Variants in NPAP1 observed in about 807,000 individuals in gnomAD.
NPAP1 encodes nuclear pore-associated protein 1.
For missense variants in NPAP1, 1,483 were observed against 1,454.5 expected, an observed-to-expected ratio of 1.02 and a Z score of -0.32; for synonymous variants, 616 against 581.4, an observed-to-expected ratio of 1.06 and a Z score of -0.86.
At position 24,678,231 on chromosome 15, in the gene NPAP1, T is replaced by C. The variant is rs1161354313; in HGVS notation, c.2364T>C (p.Ser788=). Residue 788 remains serine, a synonymous_variant, in exon 1 of 1, where the codon AGT becomes AGC. Transcript: ENST00000329468. The part of the protein sequence containing the change: ...DGPQQKTSLP[S]AHDFLSLPIM... ...CGCAGCAGAAAACCTCTCTCCCCAG[T>C]GCCCATGATTTCCTGAGCCTTCCTA... The C allele has an allele frequency of 5.0e-6, 8 of 1,613,300 alleles. No individual in the cohort carries two copies. The highest frequency in any genetic ancestry group is 6.8e-6 in the Non-Finnish European group (8 of 1,179,754).
Position 24,678,817 on chromosome 15 carries a change from A to G in NPAP1, c.2950A>G (p.Ile984Val), listed in dbSNP as rs2141313524. 6.2e-7 allele frequency: 1 copy of G among 1,614,230 alleles called. No individual in the cohort carries two copies. Among genetic ancestry groups the G allele is most frequent in the South Asian group, 1.1e-5 (1 of 91,086 alleles). ...CACAGCAAAGACTTCTGGATTTAGA[A>G]TTGCCACTGGGATGCCTGGCACTGG... ...NGTAKTSGFR[I>V]ATGMPGTGDS... Residue 984 changes from isoleucine (I) to valine (V), a missense_variant, in exon 1 of 1, where the codon ATT (isoleucine) becomes GTT (valine). By Grantham distance (29) the Ile-to-Val change is conservative. Coordinates refer to ENST00000329468, the MANE Select transcript of NPAP1 (RefSeq NM_018958.3).
chr15:24,681,271 A>G lies in NPAP1; in HGVS notation c.*1933A>G, dbSNP rs1389872851. 6.0e-6 allele frequency: 1 copy of G among 167,088 alleles called. No individual in the cohort carries two copies. Among genetic ancestry groups the G allele is most frequent in the African/African-American group, 2.4e-5 (1 of 41,454 alleles). 10.4% of individuals were successfully genotyped at this position (167,088 alleles called of 1,614,324 possible). On this transcript the variant is annotated 3_prime_UTR_variant, in exon 1 of 1. Transcript: ENST00000329468. The stretch of plus-strand genomic sequence containing the variant: ...ACTTTTACTATGGCCTGTTTATCTC[A>G]TAAGATTTTTGAAAGGATAAAATGA...
rs2141312999 is a variant in NPAP1 at position 24,678,607 on chromosome 15, T to G, written c.2740T>G (p.Phe914Val). 2 of 1,614,024 alleles carry G rather than the reference T, an allele frequency of 1.2e-6. No homozygotes were observed. The highest frequency in any genetic ancestry group is 1.7e-6 in the Non-Finnish European group (2 of 1,180,024). ...TDGQQKSDSSFILGNPATPAP... is the reference protein window; with the variant it reads ...TDGQQKSDSSVILGNPATPAP... ...TGGGCAGCAGAAGTCTGACAGTTCT[T>G]TTATTCTGGGGAATCCAGCAACCCC... is the stretch of plus-strand genomic sequence containing the variant. Residue 914 changes from phenylalanine to valine, a missense_variant, in exon 1 of 1, where the codon TTT (phenylalanine) becomes GTT (valine). Transcript: ENST00000329468.
chr15:24,682,327 C>T lies in NPAP1; in HGVS notation c.*2989C>T, dbSNP rs1171665512. On this transcript the variant is annotated 3_prime_UTR_variant, in exon 1 of 1. Coordinates refer to ENST00000329468, the MANE Select transcript of NPAP1 (RefSeq NM_018958.3). Reference sequence around the variant, plus strand: ...CAGTTTTCTTCTAATAGCCCTATACCCTTGCAGTATTACCAGGGACAAATT... The same window carrying T: ...CAGTTTTCTTCTAATAGCCCTATACTCTTGCAGTATTACCAGGGACAAATT... 1 of 166,936 alleles carries T rather than the reference C, an allele frequency of 6.0e-6. No homozygotes were observed. The highest frequency in any genetic ancestry group is 1.5e-5 in the Non-Finnish European group (1 of 68,108). 10.3% of individuals were successfully genotyped at this position (166,936 alleles called of 1,614,324 possible).
Position 24,677,607 on chromosome 15 carries a change from T to C in NPAP1, c.1740T>C (p.Thr580=). The change falls in exon 1 of 1, where the codon ACT becomes ACC. Residue 580 remains threonine, a synonymous_variant. Coordinates refer to ENST00000329468, the MANE Select transcript of NPAP1 (RefSeq NM_018958.3). Reference sequence around the variant, plus strand: ...ACCCTGAAGTAGTTAATATGGATACTACTGCCCCATCTCAGGTTGTTATTT... The same window carrying C: ...ACCCTGAAGTAGTTAATATGGATACCACTGCCCCATCTCAGGTTGTTATTT... ...AVDPEVVNMD[T]TAPSQVVIFT... 1 of 1,614,194 alleles carries C rather than the reference T, an allele frequency of 6.2e-7. No individual in the cohort carries two copies. Among genetic ancestry groups the C allele is most frequent in the Non-Finnish European group, 8.5e-7 (1 of 1,180,034 alleles).
rs2048978281 is a variant in NPAP1 at position 24,676,676 on chromosome 15, C to T, written c.809C>T (p.Ser270Phe). 6.2e-7 allele frequency: 1 copy of T among 1,614,054 alleles called. No homozygotes were observed. Among genetic ancestry groups the T allele is most frequent in the South Asian group, 1.1e-5 (1 of 91,086 alleles). The change falls in exon 1 of 1, where the codon TCC (serine) becomes TTC (phenylalanine). Residue 270 changes from serine to phenylalanine, a missense_variant. Physicochemically the swap from Ser to Phe is radical, Grantham distance 155. Coordinates refer to ENST00000329468, the MANE Select transcript of NPAP1 (RefSeq NM_018958.3). The stretch of plus-strand genomic sequence containing the variant: ...CCCCCTGAGCCAGCCGTTGGCTGCT[C>T]CCTGCTGCAGCAGAAGTTGGCTGCG... ...TAPPEPAVGC[S>F]LLQQKLAAEV...
Position 24,679,438 on chromosome 15 carries a change from A to C in NPAP1, c.*100A>C. On this transcript the variant is annotated 3_prime_UTR_variant, in exon 1 of 1. Coordinates refer to ENST00000329468, the MANE Select transcript of NPAP1 (RefSeq NM_018958.3). ...ATGCTTCTAGTTTCATCTTCATGCC[A>C]AGCACCTGCCATGTACCTCTCCAGA... 1 of 908,020 alleles carries C rather than the reference A, an allele frequency of 1.1e-6. No homozygotes were observed. Among genetic ancestry groups the C allele is most frequent in the East Asian group, 2.5e-5 (1 of 39,972 alleles). 56.2% of individuals were successfully genotyped at this position (908,020 alleles called of 1,614,324 possible).
rs780919852 is a variant in NPAP1 at position 24,678,101 on chromosome 15, C to G, written c.2234C>G (p.Ser745Cys). ...PSGNTASVQG[S>C]TSLPAQSVRA... is the part of the protein sequence containing the mutation. ...GGCAACACTGCCTCAGTCCAAGGCT[C>G]CACCAGTTTGCCTGCACAGTCAGTC... The change falls in exon 1 of 1, where the codon TCC becomes TGC. Residue 745 changes from serine to cysteine, a missense_variant. Physicochemically the swap from Ser to Cys is moderately radical, Grantham distance 112. Coordinates refer to ENST00000329468, the MANE Select transcript of NPAP1 (RefSeq NM_018958.3). The G allele has an allele frequency of 6.2e-7, 1 of 1,613,546 alleles. No individual in the cohort carries two copies. Among genetic ancestry groups the G allele is most frequent in the East Asian group, 2.2e-5 (1 of 44,788 alleles).
Position 24,679,094 on chromosome 15 carries a change from T to G in NPAP1, c.3227T>G (p.Ile1076Ser), listed in dbSNP as rs777489572. The G allele has an allele frequency of 6.2e-7, 1 of 1,614,204 alleles. No homozygotes were observed. Among genetic ancestry groups the G allele is most frequent in the South Asian group, 1.1e-5 (1 of 91,088 alleles). ...GCTGCACCACAAGGGGCTAGCAACATTCCTGTATTTGGATATACTTCTGCT... is the reference window on the plus strand; with the variant it reads ...GCTGCACCACAAGGGGCTAGCAACAGTCCTGTATTTGGATATACTTCTGCT... ...MAAAPQGASN[I>S]PVFGYTSAAA... Residue 1076 changes from isoleucine (I) to serine (S), a missense_variant, in exon 1 of 1, where the codon ATT becomes AGT. Ile to Ser is a moderately radical substitution (Grantham distance 142). Transcript: ENST00000329468.
Position 24,678,762 on chromosome 15 carries a change from G to A in NPAP1, c.2895G>A (p.Glu965=), listed in dbSNP as rs757277275. ...CACCTGTTAATGCTGAGCCAGTCGA[G>A]GGTCACAATGCAAGTGCTTTCCCCA... ...LGTPVNAEPV[E]GHNASAFPNG... The change falls in exon 1 of 1, where the codon GAG becomes GAA. Residue 965 remains glutamate, a synonymous_variant. Transcript: ENST00000329468. The A allele has an allele frequency of 1.9e-6, 3 of 1,614,194 alleles. No individual in the cohort carries two copies. The highest frequency in any genetic ancestry group is 2.5e-6 in the Non-Finnish European group (3 of 1,180,034).
rs770282475 is a variant in NPAP1, at chr15:24,679,007, G to A, written c.3140G>A (p.Ser1047Asn). Reference protein sequence around the residue: ...NIGQGQSGTPSTTSVFPFGQA... With the variant: ...NIGQGQSGTPNTTSVFPFGQA... The stretch of plus-strand genomic sequence containing the variant: ...GGACAAGGACAGAGTGGGACACCCA[G>A]CACCACTTCTGTTTTCCCATTTGGT... Residue 1047 changes from serine (S) to asparagine (N), a missense_variant, in exon 1 of 1, where the codon AGC becomes AAC. Coordinates refer to ENST00000329468, the MANE Select transcript of NPAP1 (RefSeq NM_018958.3). 5 of 1,614,052 alleles carry A rather than the reference G, an allele frequency of 3.1e-6. No homozygotes were observed. Among genetic ancestry groups the A allele is most frequent in the Non-Finnish European group, 4.2e-6 (5 of 1,180,056 alleles).
rs2049016992 is a variant in NPAP1, at chr15:24,681,594, A to T, written c.*2256A>T. On this transcript the variant is annotated 3_prime_UTR_variant, in exon 1 of 1. Transcript: ENST00000329468. ...AATACCAGTGCTTTCTCTAATTGCC[A>T]TGTGAAGGTATACCAACAAGGTAAC... is the stretch of plus-strand genomic sequence containing the variant. The T allele has an allele frequency of 6.0e-6, 1 of 167,060 alleles. No individual in the cohort carries two copies. The highest frequency in any genetic ancestry group is 2.4e-5 in the African/African-American group (1 of 41,454). 10.3% of individuals were successfully genotyped at this position (167,060 alleles called of 1,614,324 possible).
rs1229537884 is a variant in NPAP1, at chr15:24,677,280, C to T, written c.1413C>T (p.Pro471=). 6.2e-7 allele frequency: 1 copy of T among 1,614,152 alleles called. No homozygotes were observed. The change falls in exon 1 of 1, where the codon CCC becomes CCT. Residue 471 remains proline, a synonymous_variant. Transcript: ENST00000329468. The part of the protein sequence containing the change: ...SPLALPADLV[P]ILGDQSNEKG... ...TGGCTCTTCCTGCTGACCTTGTTCC[C>T]ATTTTGGGTGATCAGTCTAATGAGA...
In NPAP1 at chr15:24,679,012, A is replaced by G. The variant is rs775991071; in HGVS notation, c.3145A>G (p.Thr1049Ala). The G allele has an allele frequency of 1.2e-6, 2 of 1,613,952 alleles. No homozygotes were observed. Among genetic ancestry groups the G allele is most frequent in the Non-Finnish European group, 1.7e-6 (2 of 1,180,032 alleles). ...AGGACAGAGTGGGACACCCAGCACCACTTCTGTTTTCCCATTTGGTCAGGC... is the reference window on the plus strand; with the variant it reads ...AGGACAGAGTGGGACACCCAGCACCGCTTCTGTTTTCCCATTTGGTCAGGC... Reference protein sequence around the residue: ...GQGQSGTPSTTSVFPFGQAAW... With the variant: ...GQGQSGTPSTASVFPFGQAAW... Residue 1049 changes from threonine (T) to alanine (A), a missense_variant, in exon 1 of 1, where the codon ACT becomes GCT. Transcript: ENST00000329468.
rs1020880302 is a variant in NPAP1 at position 24,676,000 on chromosome 15, C to T, written c.133C>T (p.Arg45Cys). The change falls in exon 1 of 1, where the codon CGC (arginine) becomes TGC (cysteine). Residue 45 changes from arginine (R) to cysteine (C), a missense_variant. Coordinates refer to ENST00000329468, the MANE Select transcript of NPAP1 (RefSeq NM_018958.3). ...TCGGGCTCACTCTGTACCCACCCCGCGCCCTTTCCGCGGCCTGTTCCGCCG... is the reference window on the plus strand; with the variant it reads ...TCGGGCTCACTCTGTACCCACCCCGTGCCCTTTCCGCGGCCTGTTCCGCCG... ...PGRAHSVPTPRPFRGLFRRNA... is the reference protein window; with the variant it reads ...PGRAHSVPTPCPFRGLFRRNA... The T allele has an allele frequency of 7.5e-6, 12 of 1,600,602 alleles. No homozygotes were observed. The highest frequency in any genetic ancestry group is 4.1e-5 in the African/African-American group (3 of 73,636).
chr15:24,676,710 G>C lies in NPAP1; in HGVS notation c.843G>C (p.Leu281=), dbSNP rs780514623. ...AGCAGAAGTTGGCTGCGGAAGTGCTGAATGAAGAGCCACCGCCCAGCTCCC... is the reference window on the plus strand; with the variant it reads ...AGCAGAAGTTGGCTGCGGAAGTGCTCAATGAAGAGCCACCGCCCAGCTCCC... ...LLQQKLAAEV[L]NEEPPPSSLG... The change falls in exon 1 of 1, where the codon CTG becomes CTC. Residue 281 remains leucine, a synonymous_variant. Coordinates refer to ENST00000329468, the MANE Select transcript of NPAP1 (RefSeq NM_018958.3). The C allele has an allele frequency of 1.5e-5, 24 of 1,613,974 alleles. No homozygotes were observed. The East Asian group carries it at 5.1e-4, about 34-fold the overall frequency.
rs2048973962 is a variant in NPAP1 at position 24,676,168 on chromosome 15, C to T, written c.301C>T (p.Pro101Ser). 1 of 1,576,892 alleles carries T rather than the reference C, an allele frequency of 6.3e-7. No individual in the cohort carries two copies. The highest frequency in any genetic ancestry group is 1.8e-5 in the Admixed American group (1 of 54,776). The change falls in exon 1 of 1, where the codon CCT becomes TCT. Residue 101 changes from proline to serine, a missense_variant. Coordinates refer to ENST00000329468, the MANE Select transcript of NPAP1 (RefSeq NM_018958.3). ...GGCCATCAGGAAGACACCCATGCTG[C>T]CTGCTCGGAACCCCCCGAGGTTTGG... ...GLAIRKTPML[P>S]ARNPPRFGHP...
rs2048994610 is a variant in NPAP1, at chr15:24,678,611, T to C, written c.2744T>C (p.Ile915Thr). Residue 915 changes from isoleucine (I) to threonine (T), a missense_variant, in exon 1 of 1, where the codon ATT (isoleucine) becomes ACT (threonine). Physicochemically the swap from Ile to Thr is moderately conservative, Grantham distance 89. Coordinates refer to ENST00000329468, the MANE Select transcript of NPAP1 (RefSeq NM_018958.3). ...DGQQKSDSSF[I>T]LGNPATPAPV... ...CAGCAGAAGTCTGACAGTTCTTTTA[T>C]TCTGGGGAATCCAGCAACCCCAGCA... 6.2e-7 allele frequency: 1 copy of C among 1,613,916 alleles called. No homozygotes were observed. The highest frequency in any genetic ancestry group is 8.5e-7 in the Non-Finnish European group (1 of 1,180,042).
rs374840275 is a variant in NPAP1, at chr15:24,678,803, C to G, written c.2936C>G (p.Thr979Ser). Residue 979 changes from threonine (T) to serine (S), a missense_variant, in exon 1 of 1, where the codon ACT becomes AGT. Thr to Ser is a moderately conservative substitution (Grantham distance 58). Transcript: ENST00000329468. ...GCTTTCCCCAATGGCACAGCAAAGA[C>G]TTCTGGATTTAGAATTGCCACTGGG... ...ASAFPNGTAK[T>S]SGFRIATGMP... 7 of 1,614,236 alleles carry G rather than the reference C, an allele frequency of 4.3e-6. No homozygotes were observed. In the Admixed American group the frequency reaches 8.3e-5, roughly 19 times the overall value.
Sources: gnomAD v4.1 joint callset for allele counts on GRCh38, gnomAD v4.1.1 for gene constraint, MANE v1.5 for transcripts, NCBI Gene and HGNC (gene_info 2026-07-23, HGNC 2026-07-21) for gene names.